The following SPOCK3 variants were observed in gnomAD, a reference collection of about 807,000 sequenced individuals.
The protein encoded by SPOCK3 is SPARC (osteonectin), cwcv and kazal like domains proteoglycan 3, also known as testican-3.
Under a neutral mutation model 56.6 loss-of-function variants are expected in SPOCK3, and 30 were observed. The ratio of observed to expected loss-of-function variants is 0.53; its 90% CI spans 0.40 to 0.72. The LOEUF is 0.72. Among genes scored for constraint, SPOCK3 ranks in the 30% least tolerant of loss-of-function variants. The pLI is 0.00. For synonymous variants in SPOCK3, 196 were observed against 183.3 expected, an observed-to-expected ratio of 1.07 and a Z score of -0.56; for missense variants, 527 against 530.0, an observed-to-expected ratio of 0.99 and a Z score of 0.06.
At chr4:166,904,795 A>T (rs150385816) in intron 5 of SPOCK3, among the ~76,000 whole-genome samples, 113 of 152,142 alleles carry the variant, frequency 7.4e-4, no homozygotes, top group African/African-American at 2.6e-3. Context: ...CTTTTTGAAG[A>T]GTTGAAATAT....
At chr4:166,753,126 TC>T (rs1485212094) in intron 8 of SPOCK3, among the ~76,000 whole-genome samples, 1 of 151,760 alleles carries the variant, frequency 6.6e-6, no homozygotes, top group Non-Finnish European at 1.5e-5. Flanking sequence ...GACAAAGCAT[TC>T]TGAGTTATTC....
chr4:166,936,095 T>A (rs1271738229), intron 4 of SPOCK3, among the ~76,000 whole-genome samples: 2 of 152,106 alleles, frequency 1.3e-5, no homozygotes, highest in Admixed American at 1.3e-4. Flanking sequence ...AGATTATAAG[T>A]TTTATTTCTT....
chr4:166,836,150 T>A (rs1746594708), intron 6 of SPOCK3, among the ~76,000 whole-genome samples: 1 of 152,208 alleles, frequency 6.6e-6, no homozygotes, highest in African/African-American at 2.4e-5. Context: ...TGCTCTCAAG[T>A]TGTCTGTGTC....
At chr4:166,982,623 A>G (rs897700930) in intron 4 of SPOCK3, among the ~76,000 whole-genome samples, 2 of 152,208 alleles carry the variant, frequency 1.3e-5, no homozygotes, top group African/African-American at 4.8e-5. Flanking sequence ...AGGGTTATCC[A>G]TATAAATAAA....
intron 7 of SPOCK3, among the ~76,000 whole-genome samples, chr4:166,771,775 C>T (rs1738959689): frequency 6.6e-6 from 1 of 151,988 alleles, no homozygotes; most frequent in Non-Finnish European, 1.5e-5. Flanking sequence ...ACTTTTGTTT[C>T]ACACTATATT....
intron 7 of SPOCK3, among the ~76,000 whole-genome samples, chr4:166,766,582 C>T (rs1016643490): frequency 4.6e-5 from 7 of 152,092 alleles, no homozygotes; most frequent in African/African-American, 1.4e-4. Flanking sequence ...CTGCTGGATT[C>T]GGTTTGCCAG....
chr4:166,848,022 C>G (rs574892347), intron 6 of SPOCK3, among the ~76,000 whole-genome samples: 4 of 152,012 alleles, frequency 2.6e-5, no homozygotes, highest in Admixed American at 2.6e-4. Flanking sequence ...ATCAAGTTTC[C>G]TACAAATTAC....
chr4:166,855,447 G>A (rs981081990), intron 6 of SPOCK3, among the ~76,000 whole-genome samples: 2 of 152,104 alleles, frequency 1.3e-5, no homozygotes, highest in Admixed American at 6.5e-5. Flanking sequence ...ACCAGCTCCT[G>A]ATTGCTCTGA....
At chr4:166,953,438 G>A (rs372878490) in intron 4 of SPOCK3, among the ~76,000 whole-genome samples, 12,557 of 150,836 alleles carry the variant, frequency 0.083, 670 homozygotes, top group South Asian at 0.19. Context: ...GGAAACAACA[G>A]GTGCTGGAGA....
intron 3 of SPOCK3, among the ~76,000 whole-genome samples, chr4:167,024,783 C>G (rs954239681): frequency 1.3e-5 from 2 of 151,930 alleles, no homozygotes; most frequent in Non-Finnish European, 2.9e-5. Context: ...CAAAATCTCA[C>G]AAATCACCAC....
rs965469908 is a variant in SPOCK3, at chr4:166,820,851, G to A, written c.590-28562C>T. Reference sequence around the variant, plus strand: ...AAAAAAATAATTAAAACTATAAAGTGCTTCAGAAAAAAAGAAGTAAATCAT... The same window carrying A: ...AAAAAAATAATTAAAACTATAAAGTACTTCAGAAAAAAAGAAGTAAATCAT... On this transcript the variant is annotated intron_variant, in intron 6 of 10. Coordinates refer to ENST00000357545, the MANE Select transcript of SPOCK3 (RefSeq NM_001040159.2). Among the ~76,000 whole-genome samples, 72 of 151,816 alleles carry A rather than the reference G, an allele frequency of 4.7e-4. 3 individuals carry two copies. The highest frequency in any genetic ancestry group is 1.0e-4 in the Non-Finnish European group (7 of 67,924).
chr4:167,139,411 T>C (rs887596848), intron 2 of SPOCK3, among the ~76,000 whole-genome samples: 1 of 152,034 alleles, frequency 6.6e-6, no homozygotes, highest in Non-Finnish European at 1.5e-5. Context: ...GAAATAATAA[T>C]TCTGGTAGAA....
chr4:166,837,971 T>C (rs556648000), intron 6 of SPOCK3, among the ~76,000 whole-genome samples: 2 of 152,310 alleles, frequency 1.3e-5, no homozygotes, highest in East Asian at 1.9e-4. Context: ...TTCTTTTCTT[T>C]CATCTCATGA....
chr4:167,162,357 G>A (rs905716720), intron 2 of SPOCK3, among the ~76,000 whole-genome samples: 3 of 152,016 alleles, frequency 2.0e-5, no homozygotes, highest in Non-Finnish European at 4.4e-5. Context: ...TCCCTACCCT[G>A]GGCATTATTT....
intron 6 of SPOCK3, among the ~76,000 whole-genome samples, chr4:166,793,468 T>C (rs938510041): frequency 1.3e-5 from 2 of 152,092 alleles, no homozygotes; most frequent in Non-Finnish European, 2.9e-5. Context: ...TGCAAAAACA[T>C]CTCATAATGT....
chr4:166,810,497 T>C (rs1743657870), intron 6 of SPOCK3, among the ~76,000 whole-genome samples: 2 of 152,146 alleles, frequency 1.3e-5, no homozygotes, highest in South Asian at 2.1e-4. Flanking sequence ...GGAATTTCAA[T>C]TTAATTACTA....
chr4:166,945,626 A>G (rs1010139466), intron 4 of SPOCK3, among the ~76,000 whole-genome samples: 5 of 152,150 alleles, frequency 3.3e-5, no homozygotes, highest in Admixed American at 2.6e-4. Context: ...TGTCCTGTGC[A>G]GGTACCCTCC....
intron 2 of SPOCK3, among the ~76,000 whole-genome samples, chr4:167,071,432 A>T (rs930126337): frequency 7.0e-6 from 1 of 141,958 alleles, no homozygotes; most frequent in Admixed American, 7.2e-5. Flanking sequence ...GATGTTCCCC[A>T]CCCTGTGTTC....
chr4:167,034,114 G>T (rs1305980114), intron 3 of SPOCK3, among the ~76,000 whole-genome samples: 3 of 151,892 alleles, frequency 2.0e-5, no homozygotes, highest in Admixed American at 2.0e-4. Context: ...GGAATTAAAA[G>T]ATTTCCAGAT....
Sources: gnomAD v4.1 joint callset for allele counts (sites outside exome capture counted in the v4.1 genomes callset) on GRCh38, gnomAD v4.1.1 for gene constraint, MANE v1.5 for transcripts, NCBI Gene and HGNC (gene_info 2026-07-23, HGNC 2026-07-21) for gene names.